Variants in COL13A1 observed in about 807,000 individuals in gnomAD.
COL13A1 encodes collagen type XIII alpha 1 chain.
Under a neutral mutation model 130.9 loss-of-function variants are expected in COL13A1, and 89 were observed. The ratio of observed to expected loss-of-function variants is 0.68; its 90% CI spans 0.57 to 0.81. The LOEUF (loss-of-function observed/expected upper bound fraction) is 0.81. Ranked by LOEUF, COL13A1 falls within the 30% of genes least tolerant of loss-of-function variation. The probability of loss-of-function intolerance (pLI) is 0.00; values close to 1 mark genes in which losing one functional copy is unlikely to be tolerated. For missense variants in COL13A1, 879 were observed against 934.6 expected (o/e 0.94, Z 0.78); for synonymous variants, 402 against 341.6 (o/e 1.18, Z -1.95).
chr10:69,926,476 C>A (rs1331141985), intron 26 of COL13A1, among the ~76,000 whole-genome samples: 1 of 152,200 alleles, frequency 6.6e-6, no homozygotes, highest in East Asian at 1.9e-4. Flanking sequence ...CTGTGACAAC[C>A]AAACTATGTC....
At chr10:69,858,047 C>T (rs543678371) in intron 2 of COL13A1, among the ~76,000 whole-genome samples, 5 of 138,694 alleles carry the variant, frequency 3.6e-5, no homozygotes, top group African/African-American at 1.3e-4. Flanking sequence ...ACCCGGGAGG[C>T]AGAGGTTGCA....
chr10:69,920,794 G>T (rs2064558273), intron 21 of COL13A1, among the ~76,000 whole-genome samples: 4 of 152,200 alleles, frequency 2.6e-5, no homozygotes, highest in Admixed American at 2.6e-4. Context: ...GACCAATACA[G>T]CTGCTCTGTG....
At chr10:69,872,078 C>A in intron 3 of COL13A1, 106 bp from the exon 4 acceptor site, 2 of 1,321,204 alleles carry the variant, frequency 1.5e-6, no homozygotes, top group Non-Finnish European at 2.2e-6. Context: ...ATAACAAAGG[C>A]TTACCCAAGT....
chr10:69,823,479 C>T (rs1000480173), intron 2 of COL13A1, among the ~76,000 whole-genome samples: 6 of 152,152 alleles, frequency 3.9e-5, no homozygotes, highest in South Asian at 4.1e-4. Context: ...GTGGCCTCCT[C>T]GATACCCACG....
chr10:69,929,967 G>A, intron 28 of COL13A1, 76 bp from the exon 29 acceptor site: 1 of 1,207,318 alleles, frequency 8.3e-7, no homozygotes, highest in Non-Finnish European at 1.2e-6. Context: ...GGGATGCCGG[G>A]TGCACTAAGC....
chr10:69,889,762 A>G (rs2060985103), intron 10 of COL13A1, among the ~76,000 whole-genome samples: 1 of 152,172 alleles, frequency 6.6e-6, no homozygotes, highest in Non-Finnish European at 1.5e-5. Context: ...ACAAGGTTTC[A>G]TCTGCACTCA....
chr10:69,866,884 A>C (rs1021556733), intron 2 of COL13A1, among the ~76,000 whole-genome samples: 8 of 152,112 alleles, frequency 5.3e-5, no homozygotes, highest in Non-Finnish European at 1.0e-4. Context: ...GTCGCAGCTG[A>C]GTTAACGTGG....
intron 2 of COL13A1, among the ~76,000 whole-genome samples, chr10:69,830,883 A>G (rs952878713): frequency 2.6e-5 from 4 of 152,166 alleles, no homozygotes; most frequent in Admixed American, 2.6e-4. Flanking sequence ...TCCTTTTGGC[A>G]GCCATCCTCC....
intron 6 of COL13A1, 26 bp from the exon 7 acceptor site, chr10:69,880,477 C>T (rs2060015848): frequency 7.0e-7 from 1 of 1,426,304 alleles, no homozygotes; most frequent in South Asian, 1.1e-5. Context: ...CCCTCGCTCC[C>T]TCTCCCCCTT....
chr10:69,903,484 T>C (rs1363485986), intron 15 of COL13A1, among the ~76,000 whole-genome samples: 1 of 152,134 alleles, frequency 6.6e-6, no homozygotes, highest in Non-Finnish European at 1.5e-5. Flanking sequence ...GTCACCCATG[T>C]TCAAGCCCTG....
intron 2 of COL13A1, among the ~76,000 whole-genome samples, chr10:69,845,498 C>T (rs1399963132): frequency 6.6e-6 from 1 of 152,040 alleles, no homozygotes; most frequent in African/African-American, 2.4e-5. Context: ...AGCCCTCTTC[C>T]TCTTTTCTTA....
chr10:69,854,520 C>G (rs1160887026), intron 2 of COL13A1, among the ~76,000 whole-genome samples: 4 of 151,630 alleles, frequency 2.6e-5, no homozygotes, highest in Admixed American at 2.6e-4. Context: ...CTGCAGGGAA[C>G]CAAGATCACA....
At chr10:69,897,421 C>T in intron 13 of COL13A1, 3 of 1,585,758 alleles carry the variant, frequency 1.9e-6, no homozygotes, top group South Asian at 1.1e-5. Context: ...GTGGGCTCTC[C>T]CCTCACGGTC....
At chr10:69,805,974 T>C (rs1490685278) in intron 1 of COL13A1, among the ~76,000 whole-genome samples, 2 of 152,250 alleles carry the variant, frequency 1.3e-5, no homozygotes, top group African/African-American at 4.8e-5. Flanking sequence ...AGACCAGGAT[T>C]CTAGCTGGGC....
chr10:69,863,823 T>A (rs1259362677), intron 2 of COL13A1, among the ~76,000 whole-genome samples: 1 of 152,148 alleles, frequency 6.6e-6, no homozygotes, highest in Non-Finnish European at 1.5e-5. Context: ...ATGTGTATAA[T>A]CCCAGCACTT....
intron 10 of COL13A1, among the ~76,000 whole-genome samples, chr10:69,890,256 C>G (rs1320832129): frequency 6.6e-6 from 1 of 152,212 alleles, no homozygotes; most frequent in Non-Finnish European, 1.5e-5. Context: ...TGGGCCAGAT[C>G]TCAGCAGGGA....
At chr10:69,919,286 C>A (rs1376774220) in intron 20 of COL13A1, among the ~76,000 whole-genome samples, 198 bp downstream of exon 20, 1 of 152,168 alleles carries the variant, frequency 6.6e-6, no homozygotes, top group African/African-American at 2.4e-5. Context: ...TGCAGGCATG[C>A]CAGCTGCAGC....
intron 4 of COL13A1, among the ~76,000 whole-genome samples, chr10:69,873,881 C>T (rs1056119199): frequency 3.9e-5 from 6 of 152,184 alleles, no homozygotes; most frequent in African/African-American, 1.4e-4. Flanking sequence ...TTCACCTGCC[C>T]ACAGCTGTGC....
intron 2 of COL13A1, among the ~76,000 whole-genome samples, chr10:69,857,618 A>T (rs1002985623): frequency 3.0e-5 from 4 of 133,960 alleles, no homozygotes; most frequent in African/African-American, 1.1e-4. Flanking sequence ...TCCTGAACCC[A>T]TCCCTCCCAC....
Sources: allele counts gnomAD v4.1 joint callset (sites outside exome capture counted in the v4.1 genomes callset), GRCh38; gene constraint gnomAD v4.1.1; transcripts MANE v1.5; gene names NCBI Gene and HGNC (gene_info 2026-07-23, HGNC 2026-07-21).